The following ACAN variants were observed in gnomAD, a reference collection of about 807,000 sequenced individuals.
ACAN encodes the protein aggrecan core protein.
ACAN carries 47 observed loss-of-function variants against 169.1 expected under a neutral mutation model. The ratio of observed to expected loss-of-function variants is 0.28; its 90% CI spans 0.22 to 0.35. The LOEUF is 0.35. Among genes scored for constraint, ACAN ranks in the 10% least tolerant of loss-of-function variants. The pLI, the probability that ACAN is intolerant of heterozygous loss-of-function variation, is 1.00. For synonymous variants in ACAN, 1,115 were observed against 1,112.2 expected, an observed-to-expected ratio of 1.00 and a Z score of -0.05; for missense variants, 2,716 against 2,759.9, an observed-to-expected ratio of 0.98 and a Z score of 0.36.
rs939070669 is a variant in ACAN, at chr15:88,858,525, A to G, written c.5940A>G (p.Gly1980=). Residue 1980 remains glycine, a synonymous_variant, in exon 12 of 19, where the codon GGA becomes GGG. Transcript: ENST00000560601. The surrounding 1 kb of genome is among the most constrained non-coding windows in gnomAD (Gnocchi z 4.0). ...GAPDMSGEHS[G]FLDLSGLQSG... Reference sequence around the variant, plus strand: ...CAGACATGTCTGGGGAGCATTCTGGATTTCTGGACCTAAGTGGGCTGCAGT... The same window carrying G: ...CAGACATGTCTGGGGAGCATTCTGGGTTTCTGGACCTAAGTGGGCTGCAGT... The G allele has an allele frequency of 6.2e-7, 1 of 1,613,798 alleles. No homozygotes were observed.
intron 1 of ACAN, among the ~76,000 whole-genome samples, chr15:88,816,274 G>C (rs1373749933): frequency 6.6e-6 from 1 of 152,068 alleles, no homozygotes; most frequent in Admixed American, 6.5e-5. Context: ...TTGGTGGGAG[G>C]GACTCAGTTC....
At position 88,870,671 on chromosome 15, in the gene ACAN, G is replaced by C; in HGVS notation, c.7061-711G>C. On this transcript the variant is annotated intron_variant, in intron 14 of 18. Transcript: ENST00000560601. The surrounding 1 kb of genome is among the most constrained non-coding windows in gnomAD (Gnocchi z 6.3). ...CTTCTCCAGACTGAGAACCCATTAC[G>C]AATTTAGGTTTGTGAGGAGAGAAGC... Among the ~76,000 whole-genome samples, 1 of 152,098 alleles carries C rather than the reference G, an allele frequency of 6.6e-6. No individual in the cohort carries two copies. The highest frequency in any genetic ancestry group is 1.5e-5 in the Non-Finnish European group (1 of 68,014).
chr15:88,805,389 A>G (rs1274241646), intron 1 of ACAN, among the ~76,000 whole-genome samples: 3 of 152,230 alleles, frequency 2.0e-5, no homozygotes, highest in Non-Finnish European at 4.4e-5. Context: ...GAAAGATTGC[A>G]GAATAGTAGA....
intron 1 of ACAN, among the ~76,000 whole-genome samples, chr15:88,827,963 C>G (rs1248737252): frequency 6.6e-6 from 1 of 152,178 alleles, no homozygotes; most frequent in Admixed American, 6.5e-5. Context: ...TGCTCCCACC[C>G]TGGCCATCGC....
chr15:88,849,876 A>T lies in ACAN; in HGVS notation c.2026+145A>T. On this transcript the variant is annotated intron_variant, in intron 10 of 18. Transcript: ENST00000560601. The surrounding 1 kb of genome is among the most constrained non-coding windows in gnomAD (Gnocchi z 5.1). ...CTGGGGCAGAGCCAGCTCTGAAACC[A>T]GCACAACGCAGGCTTTGACCCCAAG... The T allele has an allele frequency of 8.5e-7, 1 of 1,178,396 alleles. No individual in the cohort carries two copies. The highest frequency in any genetic ancestry group is 1.3e-5 in the South Asian group (1 of 77,020). The allele number at this position is 1,178,396 out of a possible 1,614,324, so 73.0% of individuals were successfully genotyped here.
intron 2 of ACAN, among the ~76,000 whole-genome samples, chr15:88,836,920 T>C (rs1180352581): frequency 1.3e-5 from 2 of 152,226 alleles, no homozygotes; most frequent in Non-Finnish European, 2.9e-5. Flanking sequence ...CTTGGCTGTG[T>C]ATTTTAGAGG....
At chr15:88,836,420 T>C (rs1239322823) in intron 2 of ACAN, 144 bp downstream of exon 2, 2 of 747,262 alleles carry the variant, frequency 2.7e-6, no homozygotes, top group African/African-American at 3.5e-5. Flanking sequence ...CTTCCCCTGT[T>C]GATGCATGCA....
At chr15:88,812,173 C>A (rs1003487299) in intron 1 of ACAN, among the ~76,000 whole-genome samples, 1 of 152,136 alleles carries the variant, frequency 6.6e-6, no homozygotes. Flanking sequence ...TCCCCATCTG[C>A]CCTCTTCTCT....
At chr15:88,848,338 T>C (rs761668200) in intron 9 of ACAN, among the ~76,000 whole-genome samples, 73 of 152,212 alleles carry the variant, frequency 4.8e-4, no homozygotes, top group Non-Finnish European at 1.6e-4. Context: ...ATAAACGCTA[T>C]ATACACCAAC....
At position 88,874,086 on chromosome 15, in the gene ACAN, C is replaced by T; in HGVS notation, c.7630+62C>T. ...TTAGATTCTGCCAGCACAGCCTTCC[C>T]CCCGTCCCCTCTCCTGGGGACCCTA... On this transcript the variant is annotated intron_variant, in intron 18 of 18. Coordinates refer to ENST00000560601, the MANE Select transcript of ACAN (RefSeq NM_001369268.1). This position sits in a 1 kb window ranked among gnomAD's most constrained non-coding sequence, Gnocchi z 7.3. The T allele has an allele frequency of 6.3e-7, 1 of 1,585,948 alleles. No homozygotes were observed. Among genetic ancestry groups the T allele is most frequent in the South Asian group, 1.1e-5 (1 of 89,480 alleles).
Position 88,849,934 on chromosome 15 carries a change from A to T in ACAN, c.2026+203A>T, listed in dbSNP as rs1428961872. On this transcript the variant is annotated intron_variant, in intron 10 of 18. Coordinates refer to ENST00000560601, the MANE Select transcript of ACAN (RefSeq NM_001369268.1). The surrounding 1 kb of genome is among the most constrained non-coding windows in gnomAD (Gnocchi z 5.1). ...CATCCTTCTAAAGTTCCCCAGAGAC[A>T]AGTAGAGATAAATAAGAACTTGAGC... 1.2e-5 allele frequency: 9 copies of T among 732,994 alleles called. No individual in the cohort carries two copies. Among genetic ancestry groups the T allele is most frequent in the Non-Finnish European group, 2.1e-5 (9 of 422,060 alleles). The allele number at this position is 732,994 out of a possible 1,614,324, so 45.4% of individuals were successfully genotyped here. A position where few individuals can be genotyped will look rare whatever the true frequency, so the allele number is the denominator to read the frequency against.
chr15:88,807,747 A>AGTGTGTGTGTGTGTGTGTGT lies in ACAN; in HGVS notation c.-8+3958_-8+3977dup, dbSNP rs33937048. On this transcript the variant is annotated intron_variant, in intron 1 of 18. Transcript: ENST00000560601. The surrounding 1 kb of genome is among the most constrained non-coding windows in gnomAD (Gnocchi z 4.0). ...CTCAGAGCCTCCTTATAAGTGGTGGAGTGTGTGTGTGTGTGTGTGTGTGTG... is the reference window on the plus strand; with the variant it reads ...CTCAGAGCCTCCTTATAAGTGGTGGAGTGTGTGTGTGTGTGTGTGTGTGTGTGTGTGTGTGTGTGTGTGTG... 1.4e-5 allele frequency among the ~76,000 whole-genome samples: 2 copies of AGTGTGTGTGTGTGTGTGTGT among 142,026 alleles called. No individual in the cohort carries two copies. Among genetic ancestry groups the AGTGTGTGTGTGTGTGTGTGT allele is most frequent in the East Asian group, 4.3e-4 (2 of 4,660 alleles). The allele number at this position is 142,026 out of a possible 152,430, so 93.2% of individuals were successfully genotyped here. A position where few individuals can be genotyped will look rare whatever the true frequency, so the allele number is the denominator to read the frequency against.
chr15:88,871,741 G>C lies in ACAN; in HGVS notation c.7219+201G>C, dbSNP rs1169456283. 1.3e-5 allele frequency among the ~76,000 whole-genome samples: 2 copies of C among 152,198 alleles called. No homozygotes were observed. Among genetic ancestry groups the C allele is most frequent in the East Asian group, 3.9e-4 (2 of 5,194 alleles). On this transcript the variant is annotated intron_variant, in intron 15 of 18. Transcript: ENST00000560601. This position sits in a 1 kb window ranked among gnomAD's most constrained non-coding sequence, Gnocchi z 7.8. ...GCCAGAAGCTGTGGCTGCAGCCAGG[G>C]CAGACCCATTGCCAGCCAGAGTCAG...
At chr15:88,846,967 C>T (rs181773277) in intron 7 of ACAN, among the ~76,000 whole-genome samples, 34 of 152,326 alleles carry the variant, frequency 2.2e-4, no homozygotes, top group Admixed American at 2.2e-3. Context: ...TAGCATAGAG[C>T]CCAGTGCTTC....
chr15:88,829,821 G>T (rs1269650191), intron 1 of ACAN, among the ~76,000 whole-genome samples: 1 of 152,204 alleles, frequency 6.6e-6, no homozygotes, highest in Non-Finnish European at 1.5e-5. Context: ...ATACCATTTT[G>T]TGTTATTCCT....
At chr15:88,860,014 C>T (rs765749491) in intron 12 of ACAN, among the ~76,000 whole-genome samples, 9 of 151,096 alleles carry the variant, frequency 6.0e-5, no homozygotes, top group Non-Finnish European at 7.4e-5. Flanking sequence ...ATGATTGTCT[C>T]ACCGTGACAT....
chr15:88,867,542 TCTC>T (rs1897300156), intron 13 of ACAN, among the ~76,000 whole-genome samples: 1 of 152,100 alleles, frequency 6.6e-6, no homozygotes, highest in Non-Finnish European at 1.5e-5. Context: ...TTTCCATCCC[TCTC>T]CCGAGAGAAA....
chr15:88,832,943 T>C (rs1458165800), intron 1 of ACAN, among the ~76,000 whole-genome samples: 2 of 152,198 alleles, frequency 1.3e-5, no homozygotes, highest in Admixed American at 6.5e-5. Context: ...GGAGGGATGA[T>C]GGCAGTCACA....
intron 1 of ACAN, among the ~76,000 whole-genome samples, chr15:88,812,854 G>A (rs997574585): frequency 6.6e-6 from 1 of 152,110 alleles, no homozygotes; most frequent in African/African-American, 2.4e-5. Context: ...GAGTGAGGAG[G>A]TCATGGCCAG....
Sources: allele counts gnomAD v4.1 joint callset (sites outside exome capture counted in the v4.1 genomes callset), GRCh38; gene constraint gnomAD v4.1.1; non-coding constraint Gnocchi (gnomAD v3.1); transcripts MANE v1.5; gene names NCBI Gene and HGNC (gene_info 2026-07-23, HGNC 2026-07-21).